The following DOK5 variants were observed in gnomAD, a reference collection of about 807,000 sequenced individuals.
The protein encoded by DOK5 is docking protein 5.
DOK5 carries 27 observed loss-of-function variants against 43.3 expected under a neutral mutation model. The observed-to-expected ratio is 0.62, with a 90% CI of 0.46 to 0.86. DOK5 has a LOEUF of 0.86. Ranked by LOEUF, DOK5 falls within the 40% of genes least tolerant of loss-of-function variation. The pLI, the probability that DOK5 is intolerant of heterozygous loss-of-function variation, is 0.00. For synonymous variants in DOK5, 146 were observed against 140.1 expected (o/e 1.04, Z -0.30); for missense variants, 373 against 392.9 (o/e 0.95, Z 0.43).
chr20:54,527,649 A>C (rs1409555669), intron 1 of DOK5, among the ~76,000 whole-genome samples: 1 of 152,250 alleles, frequency 6.6e-6, no homozygotes, highest in Non-Finnish European at 1.5e-5. Context: ...GGAAGTGAGT[A>C]GAAATGGATT....
intron 1 of DOK5, among the ~76,000 whole-genome samples, chr20:54,492,126 T>G (rs1355234171): frequency 2.0e-5 from 3 of 151,996 alleles, no homozygotes; most frequent in African/African-American, 7.2e-5. Context: ...ATATTACATA[T>G]ACATGGTAGA....
At chr20:54,512,236 T>G (rs951467442) in intron 1 of DOK5, among the ~76,000 whole-genome samples, 2 of 152,242 alleles carry the variant, frequency 1.3e-5, no homozygotes, top group African/African-American at 4.8e-5. Context: ...AAAATATACC[T>G]ATTCAGAGAA....
chr20:54,650,455 TCC>T lies in DOK5; in HGVS notation c.898_899del (p.Pro300SerfsTer5). On this transcript the variant is annotated frameshift_variant, in exon 8 of 8. Transcript: ENST00000262593. LOFTEE classifies it high-confidence loss of function. ...TGAAGCTTCATCGAACAGAGACTTT[TCC>T]AGCCTACAGATCTGAGCACTGACAG... is the stretch of plus-strand genomic sequence containing the variant. ...PLKLHRTETF[P>X]AYRSEH 1.9e-6 allele frequency: 3 copies of T among 1,614,116 alleles called. No homozygotes were observed. In the South Asian group the frequency reaches 3.3e-5, roughly 18 times the overall value.
At chr20:54,638,968 A>G (rs963236043) in intron 6 of DOK5, among the ~76,000 whole-genome samples, 2 of 152,078 alleles carry the variant, frequency 1.3e-5, no homozygotes, top group African/African-American at 2.4e-5. Flanking sequence ...GGCAGGAGCC[A>G]CTGCGCCCAG....
chr20:54,644,879 A>AAAG (rs1979323515), intron 7 of DOK5, among the ~76,000 whole-genome samples: 1 of 145,480 alleles, frequency 6.9e-6, no homozygotes, highest in African/African-American at 2.5e-5. Context: ...AAAAAAAAAA[A>AAAG]ATTCTATTTA....
At chr20:54,524,263 G>A (rs1983508889) in intron 1 of DOK5, among the ~76,000 whole-genome samples, 1 of 152,162 alleles carries the variant, frequency 6.6e-6, no homozygotes, top group Non-Finnish European at 1.5e-5. Context: ...CTTAGCTTCA[G>A]GTAAAGATCC....
chr20:54,572,054 A>T (rs1847638252), intron 2 of DOK5, among the ~76,000 whole-genome samples: 2 of 151,324 alleles, frequency 1.3e-5, no homozygotes, highest in Non-Finnish European at 2.9e-5. Context: ...CTTTTTCTCT[A>T]TATTCATTTG....
intron 1 of DOK5, among the ~76,000 whole-genome samples, chr20:54,494,393 G>T (rs904177500): frequency 2.6e-5 from 4 of 152,198 alleles, no homozygotes; most frequent in African/African-American, 9.7e-5. Flanking sequence ...TGGGAAGATT[G>T]ACTATGATTG....
intron 1 of DOK5, among the ~76,000 whole-genome samples, chr20:54,496,765 C>CAAAAAAAAAAA (rs74179280): frequency 1.2e-3 from 69 of 59,344 alleles, no homozygotes; most frequent in African/African-American, 1.6e-3. Flanking sequence ...GACTCCGTCT[C>CAAAAAAAAAAA]AAAAAAAAAA....
intron 1 of DOK5, among the ~76,000 whole-genome samples, chr20:54,544,411 A>G (rs1439797118): frequency 2.0e-5 from 3 of 152,166 alleles, no homozygotes; most frequent in Admixed American, 2.0e-4. Context: ...GTCTTCAAGC[A>G]CCAACTGTGA....
At chr20:54,615,712 C>T (rs1383973025) in intron 6 of DOK5, among the ~76,000 whole-genome samples, 2 of 152,126 alleles carry the variant, frequency 1.3e-5, no homozygotes. Context: ...GAGATTGAGA[C>T]CAGCCTGGCC....
chr20:54,613,171 G>C (rs147956581), intron 6 of DOK5, among the ~76,000 whole-genome samples: 50 of 151,120 alleles, frequency 3.3e-4, no homozygotes, highest in African/African-American at 1.2e-3. Context: ...CAACATCTAA[G>C]CCCATTTACA....
At chr20:54,648,806 A>G (rs1979563286) in intron 7 of DOK5, among the ~76,000 whole-genome samples, 1 of 152,202 alleles carries the variant, frequency 6.6e-6, no homozygotes, top group Non-Finnish European at 1.5e-5. Context: ...GTGGGAGACT[A>G]GCCCCAAGGC....
intron 2 of DOK5, among the ~76,000 whole-genome samples, chr20:54,588,265 T>C (rs1179482078): frequency 2.0e-5 from 3 of 152,226 alleles, no homozygotes; most frequent in Admixed American, 2.0e-4. Flanking sequence ...TTTCAGAAAA[T>C]TTAATAAGGA....
At chr20:54,595,421 T>G (rs1986111951) in intron 5 of DOK5, among the ~76,000 whole-genome samples, 1 of 152,202 alleles carries the variant, frequency 6.6e-6, no homozygotes, top group Non-Finnish European at 1.5e-5. Flanking sequence ...TGGGAGATAT[T>G]GAACCAGTTC....
At chr20:54,496,765 C>CAAAAAAAA (rs74179280) in intron 1 of DOK5, among the ~76,000 whole-genome samples, 24 of 59,328 alleles carry the variant, frequency 4.0e-4, no homozygotes, top group East Asian at 1.7e-3. Context: ...GACTCCGTCT[C>CAAAAAAAA]AAAAAAAAAA....
chr20:54,511,675 C>T (rs892990285), intron 1 of DOK5, among the ~76,000 whole-genome samples: 5 of 152,206 alleles, frequency 3.3e-5, no homozygotes, highest in African/African-American at 7.2e-5. Flanking sequence ...GATTCAAAGG[C>T]CCAGGGATGC....
intron 1 of DOK5, among the ~76,000 whole-genome samples, chr20:54,489,975 G>C (rs1982102748): frequency 6.6e-6 from 1 of 152,172 alleles, no homozygotes; most frequent in Non-Finnish European, 1.5e-5. Context: ...AGGCCTGAGA[G>C]CCTTTTCAAC....
chr20:54,536,592 C>T (rs1465698835), intron 1 of DOK5, among the ~76,000 whole-genome samples: 1 of 152,146 alleles, frequency 6.6e-6, no homozygotes, highest in Non-Finnish European at 1.5e-5. Flanking sequence ...AAGCCAACAA[C>T]CCAGAAACCC....
Sources: allele counts gnomAD v4.1 joint callset (sites outside exome capture counted in the v4.1 genomes callset), GRCh38; gene constraint gnomAD v4.1.1; transcripts MANE v1.5; gene names NCBI Gene and HGNC (gene_info 2026-07-23, HGNC 2026-07-21).